Variants in BRINP3 observed in about 807,000 individuals in gnomAD.
BRINP3 encodes BMP/retinoic acid inducible neural specific 3, also known as BMP/retinoic acid-inducible neural-specific protein 3.
In BRINP3, 19 loss-of-function variants were observed where a neutral mutation model predicts 71.0. That is an observed-to-expected ratio of 0.27 (90% CI 0.19 to 0.39). The LOEUF is 0.39. Ranked by LOEUF, BRINP3 falls within the 10% of genes least tolerant of loss-of-function variation. The pLI is 1.00. For missense variants in BRINP3, 959 were observed against 940.8 expected (o/e 1.02, Z -0.25); for synonymous variants, 380 against 337.7 (o/e 1.13, Z -1.37).
At chr1:190,281,283 C>T (rs1248946182) in intron 3 of BRINP3, among the ~76,000 whole-genome samples, 1 of 151,860 alleles carries the variant, frequency 6.6e-6, no homozygotes, top group Non-Finnish European at 1.5e-5. Flanking sequence ...TAAAAGTTTC[C>T]ATATCACCTT....
chr1:190,136,028 T>G (rs1342392146), intron 7 of BRINP3, among the ~76,000 whole-genome samples: 1 of 151,980 alleles, frequency 6.6e-6, no homozygotes, highest in Admixed American at 6.6e-5. Context: ...ATGACTAAGG[T>G]GTGTGAGTGT....
At chr1:190,285,564 C>G (rs1663358115) in intron 2 of BRINP3, among the ~76,000 whole-genome samples, 2 of 151,484 alleles carry the variant, frequency 1.3e-5, no homozygotes, top group Non-Finnish European at 2.9e-5. Context: ...ATGCCACTGC[C>G]CTCCAGCAAA....
At chr1:190,303,297 G>A (rs985751041) in intron 2 of BRINP3, among the ~76,000 whole-genome samples, 1 of 151,656 alleles carries the variant, frequency 6.6e-6, no homozygotes, top group Admixed American at 6.6e-5. Flanking sequence ...TAAATCCAAT[G>A]TTTTATAGAA....
intron 2 of BRINP3, among the ~76,000 whole-genome samples, chr1:190,379,602 C>T (rs1030706251): frequency 6.6e-5 from 10 of 151,690 alleles, no homozygotes; most frequent in African/African-American, 2.2e-4. Flanking sequence ...GGGAACAGGG[C>T]CTGAAGATCA....
At chr1:190,446,229 T>C (rs1675211527) in intron 2 of BRINP3, among the ~76,000 whole-genome samples, 1 of 152,102 alleles carries the variant, frequency 6.6e-6, no homozygotes, top group Admixed American at 6.6e-5. Flanking sequence ...AAATTAGAGA[T>C]ATAGCAATAT....
intron 2 of BRINP3, among the ~76,000 whole-genome samples, chr1:190,390,600 A>G (rs1169035633): frequency 1.3e-5 from 2 of 151,800 alleles, no homozygotes. Context: ...AACTCTAATA[A>G]TAATGATATT....
chr1:190,161,983 T>C (rs1007130254), intron 6 of BRINP3, among the ~76,000 whole-genome samples: 2 of 152,080 alleles, frequency 1.3e-5, no homozygotes, highest in South Asian at 2.1e-4. Flanking sequence ...TTCATGAACA[T>C]TGGGTTTATT....
chr1:190,423,967 T>G (rs1350838477), intron 2 of BRINP3, among the ~76,000 whole-genome samples: 1 of 151,814 alleles, frequency 6.6e-6, no homozygotes, highest in Non-Finnish European at 1.5e-5. Context: ...TTTTATTGAC[T>G]TCACATTCTT....
At chr1:190,303,492 CAT>C (rs1664875949) in intron 2 of BRINP3, among the ~76,000 whole-genome samples, 2 of 151,610 alleles carry the variant, frequency 1.3e-5, no homozygotes, top group Non-Finnish European at 3.0e-5. Context: ...TGCTATATGA[CAT>C]AATTATCTGA....
chr1:190,183,305 T>C (rs1333077773), intron 6 of BRINP3, among the ~76,000 whole-genome samples: 4 of 152,060 alleles, frequency 2.6e-5, no homozygotes, highest in East Asian at 1.9e-4. Context: ...AATTGAAATT[T>C]GGGAATTTAA....
intron 2 of BRINP3, among the ~76,000 whole-genome samples, chr1:190,367,186 A>G (rs1669560436): frequency 6.6e-6 from 1 of 152,226 alleles, no homozygotes; most frequent in African/African-American, 2.4e-5. Flanking sequence ...CTGCCTAGAC[A>G]TGCAGGCATT....
intron 3 of BRINP3, among the ~76,000 whole-genome samples, chr1:190,280,468 A>C: frequency 6.6e-6 from 1 of 151,872 alleles, no homozygotes. Flanking sequence ...TGTAGGAAAA[A>C]AAAAATGATG....
At chr1:190,351,484 T>G (rs1668380927) in intron 2 of BRINP3, among the ~76,000 whole-genome samples, 1 of 152,088 alleles carries the variant, frequency 6.6e-6, no homozygotes, top group South Asian at 2.1e-4. Context: ...GGAAGAGAGG[T>G]ACCCGTATGA....
At chr1:190,438,119 G>A (rs1007942249) in intron 2 of BRINP3, among the ~76,000 whole-genome samples, 1 of 151,110 alleles carries the variant, frequency 6.6e-6, no homozygotes. Flanking sequence ...TGAATAAAGA[G>A]GAAATGAAGA....
At chr1:190,174,725 G>A (rs1409407018) in intron 6 of BRINP3, among the ~76,000 whole-genome samples, 2 of 151,986 alleles carry the variant, frequency 1.3e-5, no homozygotes, top group Non-Finnish European at 2.9e-5. Flanking sequence ...AATATGTAAT[G>A]TTTCATTTTT....
intron 2 of BRINP3, among the ~76,000 whole-genome samples, chr1:190,291,449 A>T (rs1450284179): frequency 6.6e-6 from 1 of 151,248 alleles, no homozygotes; most frequent in African/African-American, 2.5e-5. Context: ...AATCAATAAT[A>T]AAAAGTAAAA....
chr1:190,359,934 G>A (rs1456495391), intron 2 of BRINP3, among the ~76,000 whole-genome samples: 1 of 152,052 alleles, frequency 6.6e-6, no homozygotes, highest in Non-Finnish European at 1.5e-5. Context: ...CCTAATATAT[G>A]TGTGCGGGTG....
Position 190,248,252 on chromosome 1 carries a change from T to C in BRINP3, c.619-13775A>G, listed in dbSNP as rs575323208. On this transcript the variant is annotated intron_variant, in intron 4 of 7. Transcript: ENST00000367462. ...TGGCAAAAAAGTACTTTTGCTTTTATTTTCCTTTGTTTTTTTTAAATTCAT... is the reference window on the plus strand; with the variant it reads ...TGGCAAAAAAGTACTTTTGCTTTTACTTTCCTTTGTTTTTTTTAAATTCAT... 9.9e-4 allele frequency among the ~76,000 whole-genome samples: 151 copies of C among 151,880 alleles called. 3 individuals are homozygous for C. The highest frequency in any genetic ancestry group is 3.5e-3 in the African/African-American group (145 of 41,504).
At chr1:190,244,630 G>T (rs1182325225) in intron 4 of BRINP3, among the ~76,000 whole-genome samples, 1 of 152,066 alleles carries the variant, frequency 6.6e-6, no homozygotes, top group African/African-American at 2.4e-5. Context: ...AAAGCAATCT[G>T]TCACTGTCAA....
Sources: allele counts gnomAD v4.1 joint callset (sites outside exome capture counted in the v4.1 genomes callset), GRCh38; gene constraint gnomAD v4.1.1; transcripts MANE v1.5; gene names NCBI Gene and HGNC (gene_info 2026-07-23, HGNC 2026-07-21).